GNB4: variants seen among roughly 807,000 people sequenced by gnomAD.
GNB4 encodes guanine nucleotide-binding protein subunit beta-4.
Under a neutral mutation model 45.2 loss-of-function variants are expected in GNB4, and 28 were observed. The observed-to-expected ratio is 0.62, with a 90% CI of 0.46 to 0.85. GNB4 has a LOEUF of 0.85. Ranked by LOEUF, GNB4 falls within the 40% of genes least tolerant of loss-of-function variation. The pLI, the probability that GNB4 is intolerant of heterozygous loss-of-function variation, is 0.00. For missense variants in GNB4, 321 were observed against 425.4 expected, an observed-to-expected ratio of 0.75 and a Z score of 2.16; for synonymous variants, 132 against 143.7, an observed-to-expected ratio of 0.92 and a Z score of 0.58.
At chr3:179,415,382 A>G (rs527941370) in intron 5 of GNB4, among the ~76,000 whole-genome samples, 14 of 152,346 alleles carry the variant, frequency 9.2e-5, no homozygotes, top group African/African-American at 3.4e-4. Flanking sequence ...TTTTAATAGA[A>G]TTTTCACTTT....
At chr3:179,515,989 G>T in the GNB4 span, among the ~76,000 whole-genome samples, 1 of 152,168 alleles carries the variant, frequency 6.6e-6, no homozygotes, top group Admixed American at 6.5e-5. Flanking sequence ...AAGACACAGG[G>T]TCTGAATAAG....
intron 8 of GNB4, among the ~76,000 whole-genome samples, chr3:179,412,560 T>C (rs1187878958): frequency 1.3e-5 from 2 of 152,160 alleles, no homozygotes; most frequent in African/African-American, 2.4e-5. Flanking sequence ...TTCTCTGATG[T>C]AGGTGGTATT....
chr3:179,473,883 T>G, the GNB4 span, among the ~76,000 whole-genome samples: 2 of 152,238 alleles, frequency 1.3e-5, no homozygotes, highest in African/African-American at 4.8e-5. Flanking sequence ...TACCCAGCAC[T>G]GGCAATTACT....
intron 1 of GNB4, among the ~76,000 whole-genome samples, chr3:179,433,429 A>G (rs1715362248): frequency 6.6e-6 from 1 of 152,114 alleles, no homozygotes; most frequent in African/African-American, 2.4e-5. Flanking sequence ...GGAGATGAGA[A>G]AAGATCAACT....
the GNB4 span, among the ~76,000 whole-genome samples, chr3:179,499,880 T>A: frequency 6.6e-6 from 1 of 152,254 alleles, no homozygotes; most frequent in East Asian, 1.9e-4. Context: ...AAATGTCTTC[T>A]TCTGAGAAGT....
intron 1 of GNB4, among the ~76,000 whole-genome samples, chr3:179,445,775 C>T (rs781303177): frequency 2.6e-5 from 4 of 152,078 alleles, no homozygotes; most frequent in Non-Finnish European, 5.9e-5. Context: ...ATCTTCTGAG[C>T]GAATTCTTTT....
the GNB4 span, among the ~76,000 whole-genome samples, chr3:179,492,203 C>T: frequency 1.3e-4 from 20 of 152,166 alleles, no homozygotes; most frequent in Non-Finnish European, 2.9e-5. Context: ...ATTACCATTG[C>T]AGACACCTGT....
chr3:179,471,324 C>T, the GNB4 span, among the ~76,000 whole-genome samples: 3 of 152,206 alleles, frequency 2.0e-5, no homozygotes, highest in African/African-American at 7.2e-5. Context: ...TTCACATTCA[C>T]TCACCACTCA....
chr3:179,465,432 G>A, the GNB4 span: 20 of 433,014 alleles, frequency 4.6e-5, no homozygotes, highest in East Asian at 5.0e-4. Flanking sequence ...TGAAACCCCC[G>A]TCTCTACTAA....
the GNB4 span, among the ~76,000 whole-genome samples, chr3:179,513,151 A>G: frequency 1.3e-5 from 2 of 151,594 alleles, no homozygotes; most frequent in Non-Finnish European, 2.9e-5. Context: ...AATTTTTTCA[A>G]TACTAAAGAA....
chr3:179,465,337 C>A, the GNB4 span: 1 of 1,158,072 alleles, frequency 8.6e-7, no homozygotes, highest in Non-Finnish European at 1.3e-6. Context: ...GGCGCGGTGG[C>A]TCACACCTGT....
intron 1 of GNB4, among the ~76,000 whole-genome samples, chr3:179,432,654 A>T (rs1715339952): frequency 6.6e-6 from 1 of 152,194 alleles, no homozygotes; most frequent in African/African-American, 2.4e-5. Flanking sequence ...GACTATAAAA[A>T]TTTTTAATTC....
the GNB4 span, among the ~76,000 whole-genome samples, chr3:179,473,260 G>A: frequency 1.3e-5 from 2 of 151,212 alleles, 1 homozygote. Context: ...TCTTTCCAAG[G>A]TCAAAAGCCC....
At chr3:179,441,685 G>C (rs555222626) in intron 1 of GNB4, among the ~76,000 whole-genome samples, 1 of 150,086 alleles carries the variant, frequency 6.7e-6, no homozygotes, top group African/African-American at 2.5e-5. Context: ...CCGGGAGGCA[G>C]AGGTTGCAGT....
chr3:179,499,159 T>C, the GNB4 span, among the ~76,000 whole-genome samples: 1,163 of 69,258 alleles, frequency 0.017, 10 homozygotes, highest in African/African-American at 0.024. Flanking sequence ...CATTTTCTTT[T>C]TTTTTTTTTT....
At chr3:179,435,485 A>AG in intron 1 of GNB4, among the ~76,000 whole-genome samples, 1 of 152,036 alleles carries the variant, frequency 6.6e-6, no homozygotes, top group South Asian at 2.1e-4. Flanking sequence ...AAAAAAAAAA[A>AG]AAAAAATCAG....
chr3:179,491,733 T>C, the GNB4 span, among the ~76,000 whole-genome samples: 5 of 152,300 alleles, frequency 3.3e-5, no homozygotes, highest in Admixed American at 2.0e-4. Context: ...GGGGCAAAGA[T>C]TTTACCAAGC....
the GNB4 span, among the ~76,000 whole-genome samples, chr3:179,498,966 T>C: frequency 6.6e-6 from 1 of 151,884 alleles, no homozygotes. Flanking sequence ...CCTCCCTGTT[T>C]CCATGGGTTC....
chr3:179,437,717 T>C (rs1029713146), intron 1 of GNB4: 1 of 152,144 alleles, frequency 6.6e-6, no homozygotes, highest in African/African-American at 2.4e-5. Context: ...GTATTTGGTA[T>C]TTCTAAATTG....
Sources: gnomAD v4.1 joint callset for allele counts (sites outside exome capture counted in the v4.1 genomes callset) on GRCh38, gnomAD v4.1.1 for gene constraint, MANE v1.5 for transcripts, NCBI Gene and HGNC (gene_info 2026-07-23, HGNC 2026-07-21) for gene names.